The following TMEM154 variants were observed in gnomAD, a reference collection of about 807,000 sequenced individuals.
TMEM154 encodes transmembrane protein 154.
In TMEM154, 27 loss-of-function variants were observed where a neutral mutation model predicts 24.5. The ratio of observed to expected loss-of-function variants is 1.10; its 90% CI spans 0.81 to 1.52. TMEM154 has a LOEUF of 1.52. TMEM154 is among the 40% of genes most tolerant of loss of function. The pLI is 0.00. For synonymous variants in TMEM154, 67 were observed against 76.8 expected, an observed-to-expected ratio of 0.87 and a Z score of 0.67; for missense variants, 228 against 213.4, an observed-to-expected ratio of 1.07 and a Z score of -0.43.
intron 6 of TMEM154, among the ~76,000 whole-genome samples, chr4:152,634,555 T>G (rs1318036919): frequency 1.5e-4 from 23 of 152,246 alleles, no homozygotes. Context: ...AGCCTAGTCA[T>G]GCACATAGAT....
intron 1 of TMEM154, among the ~76,000 whole-genome samples, chr4:152,672,706 T>A (rs1728872266): frequency 6.6e-6 from 1 of 152,196 alleles, no homozygotes; most frequent in South Asian, 2.1e-4. Flanking sequence ...GCTCTCTCAT[T>A]ATTTTCCATT....
At chr4:152,631,792 CCTTT>C (rs371703592) in intron 6 of TMEM154, among the ~76,000 whole-genome samples, 61 of 131,536 alleles carry the variant, frequency 4.6e-4, no homozygotes, top group East Asian at 1.5e-3. Context: ...AATCTATCCC[CCTTT>C]TTTTTTTTTT....
At position 152,622,156 on chromosome 4, in the gene TMEM154, A is replaced by C. The variant is rs1416480395; in HGVS notation, c.*6390T>G. On this transcript the variant is annotated 3_prime_UTR_variant, in exon 7 of 7. Coordinates refer to ENST00000304385, the MANE Select transcript of TMEM154 (RefSeq NM_152680.3). ...TTTAAAAGTTATATTCTCATAAACA[A>C]TTAAAATTTCATTCCTTCATTTAAA... The C allele has an allele frequency of 6.6e-6, 1 of 152,270 alleles. No individual in the cohort carries two copies. The highest frequency in any genetic ancestry group is 1.5e-5 in the Non-Finnish European group (1 of 68,050). The allele number at this position is 152,270 out of a possible 1,614,324, so 9.4% of individuals were successfully genotyped here. A position where few individuals can be genotyped will look rare whatever the true frequency, so the allele number is the denominator to read the frequency against.
intron 6 of TMEM154, among the ~76,000 whole-genome samples, chr4:152,634,056 A>G (rs979179060): frequency 5.5e-4 from 83 of 151,330 alleles, no homozygotes; most frequent in African/African-American, 1.8e-3. Context: ...AAAAAAAAAA[A>G]AGAAAGTGGA....
chr4:152,643,203 A>G (rs987153132), intron 4 of TMEM154, 30 bp from the exon 5 acceptor site: 2 of 1,505,088 alleles, frequency 1.3e-6, no homozygotes, highest in African/African-American at 2.8e-5. Flanking sequence ...GACTTGTTAG[A>G]AAGAAATGTG....
Position 152,644,454 on chromosome 4 carries a change from T to G in TMEM154, c.365-12A>C. On this transcript the variant is annotated splice_polypyrimidine_tract_variant and intron_variant, in intron 3 of 6. Transcript: ENST00000304385. ...ACTTCCCAGTTCATCTAAAAGGAAA[T>G]GAACATAAAGGTCATGTTAGCTTTG... is the stretch of plus-strand genomic sequence containing the variant. The G allele has an allele frequency of 6.2e-7, 1 of 1,614,006 alleles. No individual in the cohort carries two copies. Among genetic ancestry groups the G allele is most frequent in the Non-Finnish European group, 8.5e-7 (1 of 1,179,890 alleles).
intron 1 of TMEM154, among the ~76,000 whole-genome samples, chr4:152,667,347 C>T (rs1238819757): frequency 1.3e-5 from 2 of 152,090 alleles, no homozygotes; most frequent in Non-Finnish European, 2.9e-5. Flanking sequence ...CTAAATTTTT[C>T]GAACATACAA....
chr4:152,656,197 C>T (rs1023508073), intron 1 of TMEM154, among the ~76,000 whole-genome samples: 1 of 152,168 alleles, frequency 6.6e-6, no homozygotes, highest in Non-Finnish European at 1.5e-5. Flanking sequence ...GTTGTCCTAC[C>T]ACTGATACTG....
intron 1 of TMEM154, among the ~76,000 whole-genome samples, chr4:152,657,047 C>T (rs534450549): frequency 6.7e-6 from 1 of 149,876 alleles, no homozygotes; most frequent in Non-Finnish European, 1.5e-5. Flanking sequence ...CACTTGAAAG[C>T]TTCAACAATA....
chr4:152,673,436 G>A (rs921121387), intron 1 of TMEM154, among the ~76,000 whole-genome samples: 8 of 152,158 alleles, frequency 5.3e-5, no homozygotes, highest in African/African-American at 9.7e-5. Flanking sequence ...GAGTAGCTGG[G>A]ACTACAGGCA....
chr4:152,647,774 T>C (rs1394500286), intron 3 of TMEM154, among the ~76,000 whole-genome samples: 1 of 152,216 alleles, frequency 6.6e-6, no homozygotes, highest in African/African-American at 2.4e-5. Context: ...TTATGCCAGG[T>C]ACTGATTTTT....
intron 1 of TMEM154, chr4:152,669,342 A>C (rs1378173550): frequency 6.6e-6 from 1 of 152,242 alleles, no homozygotes; most frequent in Non-Finnish European, 1.5e-5. Flanking sequence ...TCTTTGCCTG[A>C]TAAAAGATAA....
chr4:152,668,329 T>C (rs1242810398), intron 1 of TMEM154: 2 of 152,220 alleles, frequency 1.3e-5, no homozygotes, highest in Admixed American at 1.3e-4. Flanking sequence ...ATGATCGTTA[T>C]TGCCAAACTG....
At chr4:152,663,496 TG>T (rs1375094451) in intron 1 of TMEM154, among the ~76,000 whole-genome samples, 10 of 152,248 alleles carry the variant, frequency 6.6e-5, no homozygotes, top group Admixed American at 1.3e-4. Flanking sequence ...CGTGGCTTCA[TG>T]CCCTGCATGG....
chr4:152,675,894 C>T (rs1428578940), intron 1 of TMEM154, among the ~76,000 whole-genome samples: 2 of 152,194 alleles, frequency 1.3e-5, no homozygotes, highest in African/African-American at 4.8e-5. Context: ...CTTATGGTTT[C>T]CTGGGATTCC....
chr4:152,641,756 T>C (rs1343335614), intron 5 of TMEM154, among the ~76,000 whole-genome samples: 3 of 150,462 alleles, frequency 2.0e-5, no homozygotes, highest in Non-Finnish European at 4.4e-5. Context: ...CCTGAAGGAC[T>C]ATCTCAATGA....
intron 3 of TMEM154, among the ~76,000 whole-genome samples, chr4:152,647,800 T>C (rs552022045): frequency 6.6e-6 from 1 of 152,336 alleles, no homozygotes; most frequent in South Asian, 2.1e-4. Flanking sequence ...GTGATTTGCC[T>C]ATATAAACCA....
At chr4:152,655,574 G>A (rs1008824068) in intron 1 of TMEM154, among the ~76,000 whole-genome samples, 1 of 152,086 alleles carries the variant, frequency 6.6e-6, no homozygotes, top group Non-Finnish European at 1.5e-5. Context: ...AGCCACCAGC[G>A]CTGCTGGCTG....
intron 6 of TMEM154, among the ~76,000 whole-genome samples, chr4:152,634,699 T>C (rs1752114509): frequency 6.6e-6 from 1 of 152,216 alleles, no homozygotes; most frequent in African/African-American, 2.4e-5. Context: ...GTTTTAATAA[T>C]ATTATTTGAG....
Sources: gnomAD v4.1 joint callset for allele counts (sites outside exome capture counted in the v4.1 genomes callset) on GRCh38, gnomAD v4.1.1 for gene constraint, MANE v1.5 for transcripts, NCBI Gene and HGNC (gene_info 2026-07-23, HGNC 2026-07-21) for gene names.